Variants in SOX5 observed in about 807,000 individuals in gnomAD.
The protein encoded by SOX5 is transcription factor SOX-5.
Under a neutral mutation model 92.0 loss-of-function variants are expected in SOX5, and 9 were observed. The observed-to-expected ratio is 0.10, with a 90% CI of 0.06 to 0.17. SOX5 has a LOEUF of 0.17. SOX5 is among the 10% of genes least tolerant of loss of function. SOX5 has a pLI of 1.00. For synonymous variants in SOX5, 344 were observed against 336.3 expected (o/e 1.02, Z -0.25); for missense variants, 642 against 944.5 (o/e 0.68, Z 4.20).
At chr12:24,249,219 T>C (rs1043203583) in intron 3 of SOX5, among the ~76,000 whole-genome samples, 42 of 152,232 alleles carry the variant, frequency 2.8e-4, no homozygotes, top group African/African-American at 9.9e-4. Flanking sequence ...AAGAGGCCTT[T>C]CATAGGCTTG....
At chr12:23,674,290 A>T (rs1413011540) in intron 6 of SOX5, among the ~76,000 whole-genome samples, 1 of 151,338 alleles carries the variant, frequency 6.6e-6, no homozygotes, top group Non-Finnish European at 1.5e-5. Flanking sequence ...GAGCACAGAA[A>T]CACTAACGAA....
chr12:23,771,327 GC>G (rs1336849542), intron 3 of SOX5, among the ~76,000 whole-genome samples: 1 of 152,082 alleles, frequency 6.6e-6, no homozygotes, highest in Non-Finnish European at 1.5e-5. Flanking sequence ...GGGAGTACCA[GC>G]CAGCCTTTCA....
intron 4 of SOX5, among the ~76,000 whole-genome samples, chr12:24,096,914 T>C (rs958236742): frequency 3.9e-5 from 6 of 152,278 alleles, no homozygotes; most frequent in East Asian, 3.9e-4. Context: ...CTATCCCATA[T>C]GGTAATTTTT....
chr12:24,053,431 C>T (rs751343388), intron 4 of SOX5, among the ~76,000 whole-genome samples: 4 of 151,780 alleles, frequency 2.6e-5, no homozygotes, highest in Non-Finnish European at 5.9e-5. Context: ...CGCCTGGCCC[C>T]GTACTCTCTC....
intron 3 of SOX5, among the ~76,000 whole-genome samples, chr12:23,818,515 GGGCTA>G (rs892526059): frequency 2.6e-5 from 4 of 152,110 alleles, no homozygotes; most frequent in Non-Finnish European, 5.9e-5. Context: ...TGAATGTGAA[GGGCTA>G]GGACAGGACT....
intron 1 of SOX5, among the ~76,000 whole-genome samples, chr12:24,498,736 G>A (rs1197135816): frequency 6.6e-6 from 1 of 151,872 alleles, no homozygotes; most frequent in Non-Finnish European, 1.5e-5. Context: ...ACACCCTTCG[G>A]CCCAAATCTT....
In SOX5 at chr12:23,966,203, C is replaced by CAAAAAAAAAAAAAAAAAAAAAAAAAAA. The variant is rs869143890; in HGVS notation, c.-1-70206_-1-70180dup. ...TTTCTTCAGAGGGACACTCAATATC[C>CAAAAAAAAAAAAAAAAAAAAAAAAAAA]AAAAAAAAAAAAAAAAAAAAAAAAA... On this transcript the variant is annotated intron_variant, in intron 4 of 4. Transcript: ENST00000446891. Among the ~76,000 whole-genome samples, 37 of 57,336 alleles carry CAAAAAAAAAAAAAAAAAAAAAAAAAAA rather than the reference C, an allele frequency of 6.5e-4. 4 individuals carry two copies. The highest frequency in any genetic ancestry group is 0.011 in the Middle Eastern group (1 of 88). The allele number at this position is 57,336 out of a possible 152,430, so 37.6% of individuals were successfully genotyped here.
At chr12:23,650,839 T>A (rs2081468998) in intron 7 of SOX5, among the ~76,000 whole-genome samples, 1 of 152,094 alleles carries the variant, frequency 6.6e-6, no homozygotes, top group Non-Finnish European at 1.5e-5. Flanking sequence ...GAAAATAATA[T>A]TTTTTGTTAG....
chr12:23,589,207 G>T (rs1385995625), intron 9 of SOX5, among the ~76,000 whole-genome samples: 1 of 151,736 alleles, frequency 6.6e-6, no homozygotes, highest in African/African-American at 2.4e-5. Context: ...TTGCATAAAA[G>T]AGAAGCAGAG....
intron 4 of SOX5, among the ~76,000 whole-genome samples, chr12:24,140,930 C>G (rs1796743904): frequency 6.6e-6 from 1 of 152,076 alleles, no homozygotes; most frequent in South Asian, 2.1e-4. Context: ...CTCCAAATAG[C>G]ACATAGCTAT....
At chr12:23,978,992 A>G (rs1949217899) in intron 4 of SOX5, among the ~76,000 whole-genome samples, 1 of 152,184 alleles carries the variant, frequency 6.6e-6, no homozygotes, top group South Asian at 2.1e-4. Context: ...CTTAAATGAC[A>G]ATTTTTAAAA....
intron 2 of SOX5, among the ~76,000 whole-genome samples, chr12:24,293,062 C>T (rs1946799026): frequency 6.6e-6 from 1 of 152,118 alleles, no homozygotes; most frequent in Admixed American, 6.6e-5. Flanking sequence ...ACTGACATCA[C>T]ATGTAGTCAC....
At chr12:23,845,926 A>C (rs2096570129) in intron 3 of SOX5, 57 bp downstream of exon 3, 2 of 1,351,786 alleles carry the variant, frequency 1.5e-6, no homozygotes, top group Admixed American at 1.7e-5. Context: ...AGAAATTAAA[A>C]TCAAAGTATT....
intron 1 of SOX5, among the ~76,000 whole-genome samples, chr12:24,423,344 AG>A (rs1806226360): frequency 6.6e-6 from 1 of 152,236 alleles, no homozygotes; most frequent in East Asian, 1.9e-4. Flanking sequence ...TGGAACCAAA[AG>A]TACTTAGTAA....
At chr12:24,536,870 GA>G (rs775922976) in intron 1 of SOX5, among the ~76,000 whole-genome samples, 1 of 152,048 alleles carries the variant, frequency 6.6e-6, no homozygotes, top group Non-Finnish European at 1.5e-5. Context: ...CTATATTAGG[GA>G]AAAAAACATG....
At chr12:23,698,090 A>G (rs932732588) in intron 6 of SOX5, among the ~76,000 whole-genome samples, 1 of 152,142 alleles carries the variant, frequency 6.6e-6, no homozygotes, top group African/African-American at 2.4e-5. Flanking sequence ...ATCACAGTCT[A>G]CTGCAAATGA....
chr12:23,803,607 A>T (rs1241797719), intron 3 of SOX5, among the ~76,000 whole-genome samples: 1 of 152,204 alleles, frequency 6.6e-6, no homozygotes, highest in Non-Finnish European at 1.5e-5. Flanking sequence ...CAAATACTGT[A>T]TTAGCCTAGG....
At chr12:23,750,542 T>G (rs1219936925) in intron 4 of SOX5, among the ~76,000 whole-genome samples, 1 of 151,898 alleles carries the variant, frequency 6.6e-6, no homozygotes. Context: ...CTGGAGAGTA[T>G]TTAAACAAGC....
chr12:23,554,943 TGAG>T (rs942493884), intron 11 of SOX5, among the ~76,000 whole-genome samples: 2 of 152,202 alleles, frequency 1.3e-5, no homozygotes, highest in South Asian at 2.1e-4. Flanking sequence ...TGTTTGATCT[TGAG>T]GAGAAGAAGG....
Sources: gnomAD v4.1 joint callset for allele counts (sites outside exome capture counted in the v4.1 genomes callset) on GRCh38, gnomAD v4.1.1 for gene constraint, MANE v1.5 for transcripts, NCBI Gene and HGNC (gene_info 2026-07-23, HGNC 2026-07-21) for gene names.